IL17RD: variants seen among roughly 807,000 people sequenced by gnomAD.
The protein encoded by IL17RD is interleukin 17 receptor D, also known as interleukin-17 receptor D.
In IL17RD, 52 loss-of-function variants were observed where a neutral mutation model predicts 80.5. The ratio of observed to expected loss-of-function variants is 0.65; its 90% CI spans 0.52 to 0.81. IL17RD has a LOEUF of 0.81. Among genes scored for constraint, IL17RD ranks in the 40% least tolerant of loss-of-function variants. The probability of loss-of-function intolerance (pLI) is 0.00; values close to 1 mark genes in which losing one functional copy is unlikely to be tolerated. For missense variants in IL17RD, 1,024 were observed against 955.1 expected (o/e 1.07, Z -0.95); for synonymous variants, 416 against 391.8 (o/e 1.06, Z -0.73).
intron 2 of IL17RD, among the ~76,000 whole-genome samples, chr3:57,115,764 C>T (rs955247987): frequency 1.6e-4 from 25 of 152,148 alleles, no homozygotes; most frequent in Non-Finnish European, 3.4e-4. Flanking sequence ...ACTTGAACAC[C>T]CTCTCTTTTA....
intron 1 of IL17RD, among the ~76,000 whole-genome samples, chr3:57,155,361 A>AC (rs1166244466): frequency 6.6e-6 from 1 of 151,944 alleles, no homozygotes; most frequent in Non-Finnish European, 1.5e-5. Context: ...AGTCCAAGCA[A>AC]CCCCCTCAAG....
At chr3:57,128,281 C>T (rs527507003) in intron 1 of IL17RD, among the ~76,000 whole-genome samples, 8 of 152,234 alleles carry the variant, frequency 5.3e-5, no homozygotes, top group Admixed American at 4.6e-4. Context: ...GAGATTTGCT[C>T]GGGGAAGTAG....
At chr3:57,167,473 G>T (rs1002189471), upstream of IL17RD, among the ~76,000 whole-genome samples, 26 of 152,268 alleles carry the variant, frequency 1.7e-4, no homozygotes, top group African/African-American at 6.3e-4. Context: ...AGAGTCAGGG[G>T]TGCCAGGGGC....
At chr3:57,127,206 A>G (rs1707479814) in intron 1 of IL17RD, among the ~76,000 whole-genome samples, 1 of 122,966 alleles carries the variant, frequency 8.1e-6, no homozygotes, top group Admixed American at 9.5e-5. Context: ...ATAAATATAT[A>G]TAAAAATATA....
chr3:57,126,106 A>G (rs560512158), intron 1 of IL17RD, among the ~76,000 whole-genome samples: 8 of 152,332 alleles, frequency 5.3e-5, no homozygotes, highest in South Asian at 4.2e-4. Flanking sequence ...ACCATTTTTG[A>G]TATTTAATGA....
upstream of IL17RD, among the ~76,000 whole-genome samples, chr3:57,168,565 C>G (rs7630093): frequency 1 from 152,089 of 152,364 alleles, 75,908 homozygotes; most frequent in East Asian, 1. Context: ...ATGTGAGTGG[C>G]AGGAGAGCCA....
At chr3:57,148,157 G>A (rs564826134) in intron 1 of IL17RD, among the ~76,000 whole-genome samples, 62 of 128,228 alleles carry the variant, frequency 4.8e-4, no homozygotes, top group Admixed American at 7.9e-4. Context: ...GTGAAACCCC[G>A]TCTCTACTAA....
At chr3:57,165,114 T>C in intron 1 of IL17RD, 47 bp downstream of exon 1, 3 of 1,471,592 alleles carry the variant, frequency 2.0e-6, no homozygotes, top group South Asian at 1.3e-5. Context: ...GCGCGCTGCG[T>C]CCCCCGCGAG....
rs551878500 is a variant in IL17RD at position 57,112,957 on chromosome 3, T to C, written c.310+1735A>G. Among the ~76,000 whole-genome samples, 15 of 152,306 alleles carry C rather than the reference T, an allele frequency of 9.8e-5. No homozygotes were observed. In the South Asian group the frequency reaches 3.1e-3, roughly 32 times the overall value. ...GAGAGTTCTCTCTGAAAATGTACCATGTGTGTCTCTAACCATGAGGCAGTT... is the reference window on the plus strand; with the variant it reads ...GAGAGTTCTCTCTGAAAATGTACCACGTGTGTCTCTAACCATGAGGCAGTT... On this transcript the variant is annotated intron_variant, in intron 3 of 12. Coordinates refer to ENST00000296318, the MANE Select transcript of IL17RD (RefSeq NM_017563.5).
At chr3:57,123,008 G>C (rs1401261112) in intron 1 of IL17RD, among the ~76,000 whole-genome samples, 1 of 151,612 alleles carries the variant, frequency 6.6e-6, no homozygotes. Context: ...GGTACTTATT[G>C]GGCAATGGCC....
Position 57,092,013 on chromosome 3 carries a change from C to T in IL17RD, c.*4380G>A, listed in dbSNP as rs1056547441. The T allele has an allele frequency of 6.6e-6, 1 of 152,612 alleles. No individual in the cohort carries two copies. Among genetic ancestry groups the T allele is most frequent in the African/African-American group, 2.4e-5 (1 of 41,454 alleles). The allele number at this position is 152,612 out of a possible 1,614,324, so 9.5% of individuals were successfully genotyped here. ...AGGTGATATGGCAAGGATGACCCAA[C>T]ACCCCATTTGGACTCCTAACTGATA... On this transcript the variant is annotated 3_prime_UTR_variant, in exon 13 of 13. Transcript: ENST00000296318.
intron 1 of IL17RD, among the ~76,000 whole-genome samples, chr3:57,126,331 T>C (rs1047419575): frequency 6.6e-6 from 1 of 152,096 alleles, no homozygotes; most frequent in African/African-American, 2.4e-5. Flanking sequence ...CTATGGTCAG[T>C]AGGGACGGAA....
At chr3:57,111,940 C>T (rs1265523465) in intron 3 of IL17RD, among the ~76,000 whole-genome samples, 10 of 145,776 alleles carry the variant, frequency 6.9e-5, no homozygotes, top group Middle Eastern at 3.5e-3. Context: ...CCAGCCTGGG[C>T]GACAGAGTGA....
At chr3:57,165,389 G>C, upstream of IL17RD, 1 of 1,015,414 alleles carries the variant, frequency 9.8e-7, no homozygotes, top group Non-Finnish European at 1.2e-6. Flanking sequence ...GGCAGCGAAG[G>C]GGACCGCACT....
chr3:57,099,217 G>A (rs1022280014), intron 11 of IL17RD, among the ~76,000 whole-genome samples: 1 of 152,194 alleles, frequency 6.6e-6, no homozygotes, highest in Non-Finnish European at 1.5e-5. Context: ...AACTCACTCA[G>A]GACTGGCTAG....
chr3:57,138,544 G>C (rs1707770873), intron 1 of IL17RD, among the ~76,000 whole-genome samples: 1 of 152,130 alleles, frequency 6.6e-6, no homozygotes, highest in African/African-American at 2.4e-5. Flanking sequence ...GCAGGACTTG[G>C]TGACAAATAC....
rs1353959261 is a variant in IL17RD, at chr3:57,127,243, T to TATATATATAA, written c.127-6940_127-6931dup. Among the ~76,000 whole-genome samples the TATATATATAA allele has an allele frequency of 2.5e-4, 19 of 77,028 alleles. 5 individuals are homozygous for TATATATATAA. The highest frequency in any genetic ancestry group is 1.1e-3 in the African/African-American group (16 of 14,230). The allele number at this position is 77,028 out of a possible 152,430, so 50.5% of individuals were successfully genotyped here. A position where few individuals can be genotyped will look rare whatever the true frequency, so the allele number is the denominator to read the frequency against. ...ATAAATATATATAAAAATATATAAA[T>TATATATATAA]ATATATATAAATATATATAAATATA... On this transcript the variant is annotated intron_variant, in intron 1 of 12. Transcript: ENST00000296318.
chr3:57,148,239 C>T (rs771484516), intron 1 of IL17RD, among the ~76,000 whole-genome samples: 5 of 151,136 alleles, frequency 3.3e-5, no homozygotes, highest in African/African-American at 7.3e-5. Flanking sequence ...GCAGGAGAAT[C>T]GCTTGAACCC....
intron 1 of IL17RD, among the ~76,000 whole-genome samples, chr3:57,128,755 G>A (rs1184902831): frequency 1.3e-5 from 2 of 152,060 alleles, no homozygotes; most frequent in African/African-American, 2.4e-5. Context: ...GGAACCAGCC[G>A]TGCAGCTAAA....
Sources: gnomAD v4.1 joint callset for allele counts (sites outside exome capture counted in the v4.1 genomes callset) on GRCh38, gnomAD v4.1.1 for gene constraint, MANE v1.5 for transcripts, NCBI Gene and HGNC (gene_info 2026-07-23, HGNC 2026-07-21) for gene names.